Variants in MAML3 observed in about 807,000 individuals in gnomAD.
MAML3 encodes mastermind-like protein 3.
MAML3 carries 27 observed loss-of-function variants against 101.9 expected under a neutral mutation model. The ratio of observed to expected loss-of-function variants is 0.27; its 90% CI spans 0.20 to 0.37. MAML3 has a LOEUF of 0.37. Ranked by LOEUF, MAML3 falls within the 10% of genes least tolerant of loss-of-function variation. MAML3 has a pLI of 1.00. For synonymous variants in MAML3, 501 were observed against 555.9 expected (o/e 0.90, Z 1.39); for missense variants, 1,316 against 1,444.9 (o/e 0.91, Z 1.45).
At chr4:140,130,422 T>C (rs866265025) in intron 1 of MAML3, among the ~76,000 whole-genome samples, 14 of 152,222 alleles carry the variant, frequency 9.2e-5, no homozygotes, top group African/African-American at 3.1e-4. Flanking sequence ...TTGTATGAGA[T>C]AGTCTCCTAG....
In MAML3 at chr4:140,153,529, T is replaced by A; in HGVS notation, c.-202A>T. On this transcript the variant is annotated 5_prime_UTR_variant, in exon 1 of 5. Transcript: ENST00000509479. ...GTTTTTGTTTCCTTTTTTTAAACTG[T>A]AAAAGCTCAAGGGGAAGAAAAGGGG... The A allele has an allele frequency of 3.6e-6, 2 of 552,412 alleles. No homozygotes were observed. The highest frequency in any genetic ancestry group is 6.1e-6 in the Non-Finnish European group (2 of 325,268). 34.2% of individuals were successfully genotyped at this position (552,412 alleles called of 1,614,324 possible).
intron 1 of MAML3, among the ~76,000 whole-genome samples, chr4:140,123,367 C>A (rs1355036378): frequency 6.6e-6 from 1 of 152,058 alleles, no homozygotes; most frequent in Non-Finnish European, 1.5e-5. Flanking sequence ...AAAAGTTAAA[C>A]CCCAACTTCA....
chr4:139,800,165 A>C (rs547746607), intron 2 of MAML3, among the ~76,000 whole-genome samples: 1 of 152,318 alleles, frequency 6.6e-6, no homozygotes, highest in East Asian at 1.9e-4. Context: ...TTAGAAAAAA[A>C]TGTTACGTGC....
chr4:139,762,503 G>A (rs559865987), intron 2 of MAML3, among the ~76,000 whole-genome samples: 17 of 152,240 alleles, frequency 1.1e-4, no homozygotes, highest in Non-Finnish European at 5.9e-5. Flanking sequence ...ATTTTGATGA[G>A]TAATAGTGTT....
chr4:140,029,379 C>A (rs1331784544), intron 1 of MAML3, among the ~76,000 whole-genome samples: 1 of 152,208 alleles, frequency 6.6e-6, no homozygotes, highest in African/African-American at 2.4e-5. Context: ...ATGCTGAATT[C>A]TCTCTCTTTC....
intron 1 of MAML3, chr4:140,134,363 A>C (rs1352041799): frequency 2.2e-6 from 1 of 456,718 alleles, no homozygotes; most frequent in South Asian, 1.5e-5. Context: ...CAGAACCCCA[A>C]TCATTTCTCC....
rs1464152773 is a variant in MAML3 at position 139,785,390 on chromosome 4, G to T, written c.2080-54723C>A. Among the ~76,000 whole-genome samples the T allele has an allele frequency of 3.3e-5, 5 of 152,208 alleles. No individual in the cohort carries two copies. The highest frequency in any genetic ancestry group is 5.9e-5 in the Non-Finnish European group (4 of 68,036). ...CTGTATTCCTAATTCCCCTGGAAGGGCTGTGAAGGAGGAATATAATGGTTC... is the reference window on the plus strand; with the variant it reads ...CTGTATTCCTAATTCCCCTGGAAGGTCTGTGAAGGAGGAATATAATGGTTC... On this transcript the variant is annotated intron_variant, in intron 2 of 4. Coordinates refer to ENST00000509479, the MANE Select transcript of MAML3 (RefSeq NM_018717.5). The surrounding 1 kb of genome is among the most constrained non-coding windows in gnomAD (Gnocchi z 4.3).
chr4:140,060,322 T>C (rs1727422842), intron 1 of MAML3, among the ~76,000 whole-genome samples: 3 of 124,534 alleles, frequency 2.4e-5, no homozygotes, highest in Admixed American at 1.1e-4. Flanking sequence ...GCTGAGATCG[T>C]GCCGTTGCAC....
At chr4:139,957,261 A>C (rs1733931791) in intron 1 of MAML3, among the ~76,000 whole-genome samples, 2 of 152,206 alleles carry the variant, frequency 1.3e-5, no homozygotes, top group African/African-American at 2.4e-5. Flanking sequence ...CATGATTGGC[A>C]TTCTTACTCC....
At chr4:139,984,010 A>G (rs1734491523) in intron 1 of MAML3, among the ~76,000 whole-genome samples, 1 of 152,214 alleles carries the variant, frequency 6.6e-6, no homozygotes, top group Non-Finnish European at 1.5e-5. Context: ...AGACATACAG[A>G]TGCAATTATA....
chr4:139,853,820 T>G (rs1731603813), intron 2 of MAML3, among the ~76,000 whole-genome samples: 1 of 151,920 alleles, frequency 6.6e-6, no homozygotes, highest in South Asian at 2.1e-4. Flanking sequence ...AATTTTTTAT[T>G]TTATTTTTAT....
In MAML3 at chr4:140,153,472, G is replaced by C; in HGVS notation, c.-145C>G. ...GGATGGAAACGGCGATCCCGACGGG[G>C]CGAAAAAAACGGGGGGGGAGATTTT... On this transcript the variant is annotated 5_prime_UTR_variant, in exon 1 of 5. Coordinates refer to ENST00000509479, the MANE Select transcript of MAML3 (RefSeq NM_018717.5). 1.1e-6 allele frequency: 1 copy of C among 901,808 alleles called. No individual in the cohort carries two copies. The highest frequency in any genetic ancestry group is 1.5e-6 in the Non-Finnish European group (1 of 670,558). 55.9% of individuals were successfully genotyped at this position (901,808 alleles called of 1,614,324 possible).
intron 2 of MAML3, among the ~76,000 whole-genome samples, chr4:139,846,989 T>A (rs957510372): frequency 6.6e-6 from 1 of 152,152 alleles, no homozygotes; most frequent in African/African-American, 2.4e-5. Context: ...ATTTTCACAG[T>A]TCACACTTAG....
intron 1 of MAML3, among the ~76,000 whole-genome samples, chr4:140,145,551 T>TG (rs1553981242): frequency 0.017 from 2,291 of 131,190 alleles, 32 homozygotes; most frequent in South Asian, 0.095. Flanking sequence ...TTTTGAGATT[T>TG]TTTTGTTTTG....
At chr4:139,856,584 G>T (rs1731668181) in intron 2 of MAML3, among the ~76,000 whole-genome samples, 1 of 152,212 alleles carries the variant, frequency 6.6e-6, no homozygotes, top group South Asian at 2.1e-4. Context: ...GTAGTTAAAG[G>T]TTGAAGTAAA....
intron 2 of MAML3, among the ~76,000 whole-genome samples, chr4:139,833,512 C>A (rs1242028462): frequency 6.6e-6 from 1 of 151,522 alleles, no homozygotes; most frequent in African/African-American, 2.4e-5. Flanking sequence ...AGGGGGGCAG[C>A]CAAGGGGAAA....
At chr4:140,045,923 G>A (rs1039153391) in intron 1 of MAML3, among the ~76,000 whole-genome samples, 5 of 152,292 alleles carry the variant, frequency 3.3e-5, no homozygotes, top group Non-Finnish European at 7.3e-5. Context: ...AGGGTTAAGC[G>A]CAGCAACATG....
chr4:139,932,793 G>A (rs1733427520), intron 1 of MAML3, among the ~76,000 whole-genome samples: 1 of 152,166 alleles, frequency 6.6e-6, no homozygotes, highest in African/African-American at 2.4e-5. Flanking sequence ...CTAGTTTCAC[G>A]CCAGCCATGG....
At chr4:139,989,528 C>CT (rs1560858772) in intron 1 of MAML3, among the ~76,000 whole-genome samples, 1 of 152,082 alleles carries the variant, frequency 6.6e-6, no homozygotes, top group Admixed American at 6.6e-5. Context: ...GCTCAGCCAT[C>CT]TTCAGTGTGG....
Sources: allele counts gnomAD v4.1 joint callset (sites outside exome capture counted in the v4.1 genomes callset), GRCh38; gene constraint gnomAD v4.1.1; non-coding constraint Gnocchi (gnomAD v3.1); transcripts MANE v1.5; gene names NCBI Gene and HGNC (gene_info 2026-07-23, HGNC 2026-07-21).